The following ATRN variants were observed in gnomAD, a reference collection of about 807,000 sequenced individuals.
ATRN encodes the protein attractin-2.
ATRN carries 54 observed loss-of-function variants against 178.7 expected under a neutral mutation model. The observed-to-expected ratio is 0.30, with a 90% CI of 0.24 to 0.38. The LOEUF is 0.38. Ranked by LOEUF, ATRN falls within the 10% of genes least tolerant of loss-of-function variation. The pLI is 1.00. For missense variants in ATRN, 1,443 were observed against 1,815.1 expected (o/e 0.79, Z 3.73); for synonymous variants, 636 against 663.0 (o/e 0.96, Z 0.63).
At chr20:3,554,990 C>CTTT (rs536209701) in intron 6 of ATRN, among the ~76,000 whole-genome samples, 22 of 67,490 alleles carry the variant, frequency 3.3e-4, no homozygotes, top group African/African-American at 9.8e-4. Flanking sequence ...GACCTGACCT[C>CTTT]TTTTTTTTTT....
chr20:3,538,792 G>A, intron 2 of ATRN, among the ~76,000 whole-genome samples: 1 of 152,108 alleles, frequency 6.6e-6, no homozygotes, highest in East Asian at 1.9e-4. Flanking sequence ...TTGGCCTCCT[G>A]AGTTCTGCTT....
At chr20:3,557,631 T>G (rs2085896573) in intron 6 of ATRN, among the ~76,000 whole-genome samples, 1 of 152,186 alleles carries the variant, frequency 6.6e-6, no homozygotes, top group Non-Finnish European at 1.5e-5. Context: ...GTGAGGAGAT[T>G]GAGTCAGCTA....
At chr20:3,543,894 C>T (rs1326806677) in intron 3 of ATRN, among the ~76,000 whole-genome samples, 2 of 151,994 alleles carry the variant, frequency 1.3e-5, no homozygotes, top group African/African-American at 4.8e-5. Flanking sequence ...ATTAACCAGC[C>T]ATGGTGGTGT....
chr20:3,535,314 T>C lies in ATRN; in HGVS notation c.472T>C (p.Cys158Arg). Residue 158 changes from cysteine to arginine, a missense_variant, in exon 2 of 29, where the codon TGC becomes CGC. Physicochemically the swap from Cys to Arg is radical, Grantham distance 180 (BLOSUM62 -3). This residue lies in a region of ATRN where 862 missense variants were observed against 972.1 expected (regional missense o/e 0.89). Coordinates refer to ENST00000262919, the MANE Select transcript of ATRN (RefSeq NM_139321.3). ...TGGAAATTATAAATACAAAACGAAGTGCACGTGGCTCATTGAAGGACAGTA... is the reference window on the plus strand; with the variant it reads ...TGGAAATTATAAATACAAAACGAAGCGCACGTGGCTCATTGAAGGACAGTA... ...GPGNYKYKTKCTWLIEGQPNR... is the reference protein window; with the variant it reads ...GPGNYKYKTKRTWLIEGQPNR... 1 of 1,550,196 alleles carries C rather than the reference T, an allele frequency of 6.5e-7. No individual in the cohort carries two copies. The highest frequency in any genetic ancestry group is 8.8e-7 in the Non-Finnish European group (1 of 1,140,830).
chr20:3,504,696 TAATA>T (rs1331321066), intron 1 of ATRN, among the ~76,000 whole-genome samples: 1 of 70,628 alleles, frequency 1.4e-5, no homozygotes, highest in Non-Finnish European at 2.8e-5. Context: ...AAGATAATAA[TAATA>T]ATAATAATAA....
intron 1 of ATRN, among the ~76,000 whole-genome samples, chr20:3,487,600 A>G (rs1049699869): frequency 5.3e-5 from 8 of 152,142 alleles, no homozygotes; most frequent in Non-Finnish European, 7.4e-5. Context: ...CATTGCTTCA[A>G]TTTTGTCAAA....
Position 3,483,325 on chromosome 20 carries a change from T to C in ATRN, c.410+11808T>C, listed in dbSNP as rs567520532. On this transcript the variant is annotated intron_variant, in intron 1 of 28. Coordinates refer to ENST00000262919, the MANE Select transcript of ATRN (RefSeq NM_139321.3). ...TGGGCATTTAGAGTTTTCCAACTTTTGCTGTTACAAATAGTACTACAATTA... is the reference window on the plus strand; with the variant it reads ...TGGGCATTTAGAGTTTTCCAACTTTCGCTGTTACAAATAGTACTACAATTA... 2.6e-5 allele frequency among the ~76,000 whole-genome samples: 4 copies of C among 152,320 alleles called. No individual in the cohort carries two copies. The South Asian group carries it at 8.3e-4, about 32-fold the overall frequency.
intron 15 of ATRN, among the ~76,000 whole-genome samples, chr20:3,579,038 C>T (rs1200308219): frequency 6.6e-6 from 1 of 152,102 alleles, no homozygotes; most frequent in African/African-American, 2.4e-5. Context: ...AATCTGGTGA[C>T]ATCAGTAGAT....
intron 18 of ATRN, among the ~76,000 whole-genome samples, chr20:3,589,127 C>T (rs543121900): frequency 4.0e-5 from 6 of 151,796 alleles, no homozygotes; most frequent in South Asian, 2.1e-4. Flanking sequence ...GGACTACAGG[C>T]GCACGCCACC....
At chr20:3,490,273 GA>G in intron 1 of ATRN, 1 of 1,286,848 alleles carries the variant, frequency 7.8e-7, no homozygotes, top group Non-Finnish European at 1.1e-6. Flanking sequence ...CCCAGGAGGA[GA>G]AGGCGGAGAG....
chr20:3,533,232 T>G (rs926947237), intron 1 of ATRN, among the ~76,000 whole-genome samples: 17 of 152,198 alleles, frequency 1.1e-4, no homozygotes, highest in African/African-American at 4.1e-4. Flanking sequence ...CCACACACTT[T>G]CCTAAGAATA....
At chr20:3,641,843 G>A (rs1179728212) in intron 27 of ATRN, among the ~76,000 whole-genome samples, 1 of 152,152 alleles carries the variant, frequency 6.6e-6, no homozygotes, top group Non-Finnish European at 1.5e-5. Context: ...TCTGAAGGAT[G>A]TGCTAAAATG....
intron 24 of ATRN, among the ~76,000 whole-genome samples, chr20:3,615,442 A>G (rs1375684489): frequency 1.3e-5 from 2 of 151,942 alleles, no homozygotes; most frequent in Non-Finnish European, 2.9e-5. Context: ...AAAAAAAAAA[A>G]AATTTTTCTT....
At chr20:3,569,663 C>T (rs979448977) in intron 11 of ATRN, among the ~76,000 whole-genome samples, 5 of 152,210 alleles carry the variant, frequency 3.3e-5, no homozygotes, top group Non-Finnish European at 5.9e-5. Context: ...TGCCATCCAT[C>T]ATTGATGGAA....
chr20:3,624,571 A>G lies in ATRN; in HGVS notation c.3862A>G (p.Ser1288Gly), dbSNP rs1321823653. The G allele has an allele frequency of 6.2e-7, 1 of 1,613,480 alleles. No homozygotes were observed. Residue 1288 changes from serine (S) to glycine (G), a missense_variant and splice_region_variant, in exon 25 of 29, where the codon AGT becomes GGT. Ser to Gly is a moderately conservative substitution (Grantham distance 56). This residue lies in a region of ATRN where 289 missense variants were observed against 440.8 expected (regional missense o/e 0.66). Coordinates refer to ENST00000262919, the MANE Select transcript of ATRN (RefSeq NM_139321.3). ...DLVQFFVTFF[S>G]CFLSLLLVAA... ...GGTACAGTTCTTCGTGACTTTCTTC[A>G]GGTAATTTTGCTTATACAGACTCTC...
At chr20:3,583,791 A>T in intron 16 of ATRN, 107 bp from the exon 17 acceptor site, 2 of 1,163,148 alleles carry the variant, frequency 1.7e-6, no homozygotes, top group Non-Finnish European at 2.5e-6. Context: ...CTGGAGACAG[A>T]GTGAGACTCC....
intron 18 of ATRN, 132 bp from the exon 19 acceptor site, chr20:3,591,037 T>C: frequency 9.7e-7 from 1 of 1,026,954 alleles, no homozygotes; most frequent in Non-Finnish European, 1.3e-6. Context: ...TCAAATTAGT[T>C]TTTAGTGGGC....
At chr20:3,600,658 T>C (rs563805719) in intron 22 of ATRN, among the ~76,000 whole-genome samples, 8 of 152,206 alleles carry the variant, frequency 5.3e-5, no homozygotes, top group Non-Finnish European at 8.8e-5. Context: ...TGCAAATCAC[T>C]GTGCTCTGAT....
chr20:3,515,946 A>G (rs2085200737), intron 1 of ATRN, among the ~76,000 whole-genome samples: 1 of 152,174 alleles, frequency 6.6e-6, no homozygotes, highest in South Asian at 2.1e-4. Flanking sequence ...AAAAAAATAT[A>G]TAGTTCTCTC....
Sources: allele counts gnomAD v4.1 joint callset (sites outside exome capture counted in the v4.1 genomes callset), GRCh38; gene constraint gnomAD v4.1.1; regional missense constraint gnomAD v4.1.1; transcripts MANE v1.5; gene names NCBI Gene and HGNC (gene_info 2026-07-23, HGNC 2026-07-21).